ATP9B: variants seen among roughly 807,000 people sequenced by gnomAD.
The protein encoded by ATP9B is ATPase phospholipid transporting 9B.
Under a neutral mutation model 146.1 loss-of-function variants are expected in ATP9B, and 110 were observed. The ratio of observed to expected loss-of-function variants is 0.75; its 90% confidence interval spans 0.65 to 0.88. The LOEUF (loss-of-function observed/expected upper bound fraction) is 0.88, where lower values mean the gene tolerates loss of function less well. Ranked by LOEUF, ATP9B falls within the 40% of genes least tolerant of loss-of-function variation. The pLI, the probability that ATP9B is intolerant of heterozygous loss-of-function variation, is 0.00. For missense variants in ATP9B, 1,499 were observed against 1,496.4 expected (o/e 1.00, Z -0.03); for synonymous variants, 604 against 569.7 (o/e 1.06, Z -0.86).
intron 1 of ATP9B, among the ~76,000 whole-genome samples, chr18:79,076,564 T>TA (rs1353564298): frequency 2.0e-5 from 3 of 150,690 alleles, no homozygotes; most frequent in Non-Finnish European, 4.4e-5. Flanking sequence ...ACTTTTCTCT[T>TA]ACTACTTTCA....
rs563937860 is a variant in ATP9B at position 79,154,052 on chromosome 18, G to A, written c.727-452G>A. ...CCACTCACTACAAGCTCTGCCTCCCGGGTTCACGCCATTCTCCTGCCTCAG... is the reference window on the plus strand; with the variant it reads ...CCACTCACTACAAGCTCTGCCTCCCAGGTTCACGCCATTCTCCTGCCTCAG... On this transcript the variant is annotated intron_variant, in intron 6 of 29. Transcript: ENST00000426216. Among the ~76,000 whole-genome samples the A allele has an allele frequency of 1.6e-3, 242 of 149,830 alleles. 3 individuals carry two copies. Among genetic ancestry groups the A allele is most frequent in the African/African-American group, 5.6e-3 (227 of 40,744 alleles).
intron 2 of ATP9B, among the ~76,000 whole-genome samples, chr18:79,098,997 C>T (rs1238044151): frequency 6.6e-6 from 1 of 152,132 alleles, no homozygotes; most frequent in Non-Finnish European, 1.5e-5. Flanking sequence ...ATGCTATGGC[C>T]TTCTCAGGGT....
chr18:79,193,168 T>C lies in ATP9B; in HGVS notation c.874-15T>C. ...ACTATAACATTCTAATCGATTCAAA[T>C]GTTCTGTATTCCAGGACCTTTTTTC... On this transcript the variant is annotated splice_polypyrimidine_tract_variant and intron_variant, in intron 8 of 29. Transcript: ENST00000426216. The C allele has an allele frequency of 6.4e-7, 1 of 1,552,924 alleles. No homozygotes were observed. The highest frequency in any genetic ancestry group is 8.9e-7 in the Non-Finnish European group (1 of 1,127,870).
chr18:79,243,097 A>G (rs1479217594), intron 11 of ATP9B, among the ~76,000 whole-genome samples: 2 of 152,156 alleles, frequency 1.3e-5, no homozygotes, highest in African/African-American at 2.4e-5. Context: ...TTGCTATTCT[A>G]TGTCTGCAAT....
intron 1 of ATP9B, among the ~76,000 whole-genome samples, chr18:79,082,363 C>T (rs746395977): frequency 6.6e-6 from 1 of 152,104 alleles, no homozygotes. Context: ...TTCTTTAGCT[C>T]GGAGGAGTTT....
chr18:79,147,249 CAAGTG>C (rs2094606350), intron 6 of ATP9B, among the ~76,000 whole-genome samples: 1 of 95,894 alleles, frequency 1.0e-5, no homozygotes, highest in Non-Finnish European at 2.3e-5. Context: ...AGTCCAGTTA[CAAGTG>C]GTTACTTCAG....
intron 1 of ATP9B, chr18:79,087,250 A>G (rs574172561): frequency 6.6e-6 from 1 of 152,374 alleles, no homozygotes; most frequent in East Asian, 1.9e-4. Flanking sequence ...ATTGTGAGCT[A>G]AATGCTTCCC....
intron 14 of ATP9B, among the ~76,000 whole-genome samples, chr18:79,304,174 G>A (rs1013432878): frequency 6.6e-6 from 1 of 152,026 alleles, no homozygotes; most frequent in East Asian, 1.9e-4. Context: ...CCTGTCATCA[G>A]TGCCCAGGTG....
intron 17 of ATP9B, among the ~76,000 whole-genome samples, chr18:79,332,384 G>A (rs1398154323): frequency 6.6e-5 from 10 of 152,188 alleles, no homozygotes; most frequent in Admixed American, 2.0e-4. Flanking sequence ...AGCCAAGATC[G>A]CGACACTGCA....
chr18:79,347,572 G>A (rs1202016257), intron 23 of ATP9B, among the ~76,000 whole-genome samples, 198 bp from the exon 24 acceptor site: 3 of 152,234 alleles, frequency 2.0e-5, no homozygotes, highest in Admixed American at 1.3e-4. Context: ...TGAGAGCCTG[G>A]GCTGGTGCTG....
At chr18:79,099,171 G>C (rs9955477) in intron 2 of ATP9B, among the ~76,000 whole-genome samples, 38,000 of 151,896 alleles carry the variant, frequency 0.25, 5,087 homozygotes, top group East Asian at 0.5. Context: ...AGTTTTGACA[G>C]GTATTATCAT....
intron 1 of ATP9B, among the ~76,000 whole-genome samples, chr18:79,072,990 G>A (rs1041937800): frequency 2.2e-4 from 34 of 151,842 alleles, no homozygotes; most frequent in Non-Finnish European, 4.3e-4. Context: ...CTTCCTAGAC[G>A]GGATGACGGC....
At chr18:79,249,808 A>C (rs745851393) in intron 11 of ATP9B, among the ~76,000 whole-genome samples, 44 of 152,226 alleles carry the variant, frequency 2.9e-4, no homozygotes, top group Non-Finnish European at 1.5e-4. Context: ...AAGTGTTGAA[A>C]TGTGTCTTTT....
chr18:79,081,662 A>G (rs974332613), intron 1 of ATP9B, among the ~76,000 whole-genome samples: 2 of 149,542 alleles, frequency 1.3e-5, no homozygotes, highest in Non-Finnish European at 3.0e-5. Flanking sequence ...TCGTGTCTCT[A>G]TCTCCTTCAG....
chr18:79,267,303 C>CT (rs537658363), intron 12 of ATP9B, among the ~76,000 whole-genome samples: 52 of 151,794 alleles, frequency 3.4e-4, no homozygotes, highest in Non-Finnish European at 4.9e-4. Context: ...TTTTTGCTTT[C>CT]TTTTTTTTCC....
At chr18:79,092,524 T>G (rs937204712) in intron 1 of ATP9B, among the ~76,000 whole-genome samples, 7 of 152,178 alleles carry the variant, frequency 4.6e-5, no homozygotes, top group Non-Finnish European at 7.3e-5. Flanking sequence ...ATTGACTTTT[T>G]TGTAATAACG....
intron 12 of ATP9B, among the ~76,000 whole-genome samples, chr18:79,261,967 A>G (rs760090635): frequency 2.0e-5 from 3 of 151,980 alleles, no homozygotes; most frequent in Non-Finnish European, 4.4e-5. Flanking sequence ...TCACCATCCG[A>G]GTATGTGCTT....
chr18:79,231,478 C>A (rs1289306677), intron 11 of ATP9B, among the ~76,000 whole-genome samples: 10 of 151,982 alleles, frequency 6.6e-5, no homozygotes, highest in South Asian at 2.1e-4. Flanking sequence ...TGGCCATAAT[C>A]AAAAAATAGT....
At chr18:79,283,558 A>G (rs2096401893) in intron 13 of ATP9B, among the ~76,000 whole-genome samples, 1 of 152,218 alleles carries the variant, frequency 6.6e-6, no homozygotes, top group Non-Finnish European at 1.5e-5. Flanking sequence ...CTTCTTGTGG[A>G]CAAGAAAGCA....
Sources: gnomAD v4.1 joint callset for allele counts (sites outside exome capture counted in the v4.1 genomes callset) on GRCh38, gnomAD v4.1.1 for gene constraint, MANE v1.5 for transcripts, NCBI Gene and HGNC (gene_info 2026-07-23, HGNC 2026-07-21) for gene names.